The following ASIC2 variants were observed in gnomAD, a reference collection of about 807,000 sequenced individuals.
ASIC2 encodes acid sensing ion channel subunit 2, also known as acid-sensing ion channel 2.
Under a neutral mutation model 57.3 loss-of-function variants are expected in ASIC2, and 25 were observed. That is an observed-to-expected ratio of 0.44 (90% CI 0.32 to 0.61). The LOEUF is 0.61. Among genes scored for constraint, ASIC2 ranks in the 20% least tolerant of loss-of-function variants. The pLI, the probability that ASIC2 is intolerant of heterozygous loss-of-function variation, is 0.06. For missense variants in ASIC2, 641 were observed against 738.1 expected (o/e 0.87, Z 1.52); for synonymous variants, 319 against 307.5 (o/e 1.04, Z -0.39).
chr17:33,927,216 A>C (rs778378091), intron 1 of ASIC2, among the ~76,000 whole-genome samples: 3 of 152,188 alleles, frequency 2.0e-5, no homozygotes, highest in Non-Finnish European at 4.4e-5. Context: ...GGCATGACCC[A>C]CTGTGCCTAG....
chr17:33,758,960 G>T (rs1910697445), intron 1 of ASIC2, among the ~76,000 whole-genome samples: 1 of 149,970 alleles, frequency 6.7e-6, no homozygotes, highest in Non-Finnish European at 1.5e-5. Flanking sequence ...GGGTGTTGCT[G>T]ATAACAGATA....
At chr17:33,542,093 G>A (rs554702106) in intron 1 of ASIC2, among the ~76,000 whole-genome samples, 12 of 152,346 alleles carry the variant, frequency 7.9e-5, no homozygotes, top group African/African-American at 2.6e-4. Flanking sequence ...CTTTGGTTGT[G>A]TGTGTAGATT....
intron 1 of ASIC2, among the ~76,000 whole-genome samples, chr17:33,439,984 G>C (rs1010337618): frequency 2.6e-5 from 4 of 152,132 alleles, no homozygotes; most frequent in African/African-American, 7.2e-5. Context: ...GAGGCTTTAG[G>C]CTTCTTATTT....
intron 1 of ASIC2, among the ~76,000 whole-genome samples, chr17:33,475,356 T>C (rs539436992): frequency 6.6e-6 from 1 of 152,202 alleles, no homozygotes; most frequent in Non-Finnish European, 1.5e-5. Flanking sequence ...GTACTTCTAC[T>C]CCTCCTTGTA....
chr17:33,967,837 T>C (rs1221740941), intron 1 of ASIC2, among the ~76,000 whole-genome samples: 1 of 152,188 alleles, frequency 6.6e-6, no homozygotes, highest in African/African-American at 2.4e-5. Flanking sequence ...AGATGTGTAG[T>C]TGCACAGGGC....
chr17:33,171,629 T>C (rs1356576013), intron 1 of ASIC2, among the ~76,000 whole-genome samples: 2 of 152,242 alleles, frequency 1.3e-5, no homozygotes, highest in Non-Finnish European at 2.9e-5. Flanking sequence ...CTACCTCCAA[T>C]GTGTTCTCCA....
rs1015892655 is a variant in ASIC2, at chr17:33,116,475, T to C, written c.709-4408A>G. 1.3e-5 allele frequency among the ~76,000 whole-genome samples: 2 copies of C among 152,230 alleles called. 1 individual carries two copies. ...TTCAGACCTGCTATTCTGCCAGGCA[T>C]TTCTCTGCTTTCCTGGTAAGTGCTG... On this transcript the variant is annotated intron_variant, in intron 1 of 9. Coordinates refer to ENST00000225823, the MANE Select transcript of ASIC2 (RefSeq NM_183377.2).
chr17:33,167,072 C>T (rs1905331879), intron 1 of ASIC2, among the ~76,000 whole-genome samples: 1 of 152,200 alleles, frequency 6.6e-6, no homozygotes, highest in African/African-American at 2.4e-5. Flanking sequence ...CAGAGCTTGG[C>T]ACACAGTAGG....
intron 1 of ASIC2, among the ~76,000 whole-genome samples, chr17:33,826,914 G>C (rs188104094): frequency 2.0e-5 from 3 of 151,910 alleles, no homozygotes; most frequent in Admixed American, 2.0e-4. Context: ...TATATAATTA[G>C]GTACTAAATT....
Position 33,272,197 on chromosome 17 carries a change from C to T in ASIC2, c.708+19211G>A, listed in dbSNP as rs1480477408. ...TACAAACATCCATTTCCATTTCTGT[C>T]TATCCTATCATCCTATTTTGTTGTC... On this transcript the variant is annotated intron_variant, in intron 1 of 9. Coordinates refer to ENST00000225823, the MANE Select transcript of ASIC2 (RefSeq NM_183377.2). Among the ~76,000 whole-genome samples, 4 of 152,218 alleles carry T rather than the reference C, an allele frequency of 2.6e-5. No individual in the cohort carries two copies. The East Asian group carries it at 7.7e-4, about 29-fold the overall frequency.
intron 2 of ASIC2, among the ~76,000 whole-genome samples, chr17:33,095,865 C>T (rs1206049764): frequency 6.6e-6 from 1 of 152,220 alleles, no homozygotes; most frequent in African/African-American, 2.4e-5. Flanking sequence ...CATTAAGGCC[C>T]ATCCTTTGGG....
intron 1 of ASIC2, among the ~76,000 whole-genome samples, chr17:33,736,882 G>GT (rs1597855295): frequency 6.6e-6 from 1 of 152,194 alleles, no homozygotes; most frequent in South Asian, 2.1e-4. Context: ...TCATGGGCAT[G>GT]TTTTTGGCCA....
chr17:34,078,047 T>C (rs1267417831), intron 1 of ASIC2, among the ~76,000 whole-genome samples: 2 of 152,196 alleles, frequency 1.3e-5, no homozygotes, highest in Non-Finnish European at 2.9e-5. Context: ...CTGTCCAGAA[T>C]GCCCTCCTCC....
At chr17:34,124,016 A>T (rs1445306623) in intron 1 of ASIC2, among the ~76,000 whole-genome samples, 1 of 152,166 alleles carries the variant, frequency 6.6e-6, no homozygotes, top group Non-Finnish European at 1.5e-5. Flanking sequence ...TCGGAGGTGG[A>T]GGTTGCATGA....
chr17:33,302,352 G>A (rs765311844), intron 1 of ASIC2, among the ~76,000 whole-genome samples: 11 of 152,252 alleles, frequency 7.2e-5, no homozygotes, highest in South Asian at 2.1e-4. Flanking sequence ...TAAAACCCAA[G>A]GTAGAATGAG....
chr17:33,161,338 C>T lies in ASIC2; in HGVS notation c.709-49271G>A, dbSNP rs115868886. Among the ~76,000 whole-genome samples, 921 of 152,280 alleles carry T rather than the reference C, an allele frequency of 6.0e-3. 9 individuals are homozygous for T. The highest frequency in any genetic ancestry group is 0.022 in the African/African-American group (905 of 41,570). On this transcript the variant is annotated intron_variant, in intron 1 of 9. Transcript: ENST00000225823. Reference sequence around the variant, plus strand: ...TTTTCCTCTCAAACCTAATTTGTTCCCACTACAGAGCCTTTGCACGTGCTG... The same window carrying T: ...TTTTCCTCTCAAACCTAATTTGTTCTCACTACAGAGCCTTTGCACGTGCTG...
At chr17:34,089,327 C>T (rs951459727) in intron 1 of ASIC2, among the ~76,000 whole-genome samples, 1 of 151,928 alleles carries the variant, frequency 6.6e-6, no homozygotes, top group African/African-American at 2.4e-5. Flanking sequence ...ATGCACATGC[C>T]AAATGGTGAT....
intron 1 of ASIC2, among the ~76,000 whole-genome samples, chr17:33,270,534 C>T (rs1203517567): frequency 1.3e-5 from 2 of 152,212 alleles, no homozygotes; most frequent in East Asian, 1.9e-4. Context: ...GTGAGCTGTT[C>T]TGGGCCTGAG....
rs371981552 is a variant in ASIC2 at position 33,728,366 on chromosome 17, CT to C, written c.555+427611del. Among the ~76,000 whole-genome samples the C allele has an allele frequency of 3.2e-3, 485 of 152,274 alleles. 2 individuals are homozygous for C. The highest frequency in any genetic ancestry group is 0.011 in the African/African-American group (459 of 41,562). On this transcript the variant is annotated intron_variant, in intron 1 of 9. Coordinates refer to the ASIC2 transcript ENST00000359872. ...CCCCTAAAATTGTACCCTGATTTGG[CT>C]TTCCCCCCTACCCTATCCTGCTCTT... is the stretch of plus-strand genomic sequence containing the variant.
Sources: allele counts gnomAD v4.1 joint callset (sites outside exome capture counted in the v4.1 genomes callset), GRCh38; gene constraint gnomAD v4.1.1; transcripts MANE v1.5; gene names NCBI Gene and HGNC (gene_info 2026-07-23, HGNC 2026-07-21).